The following KCNK12 variants were observed in gnomAD, a reference collection of about 807,000 sequenced individuals.
The protein encoded by KCNK12 is potassium two pore domain channel subfamily K member 12.
KCNK12 carries 6 observed loss-of-function variants against 25.3 expected under a neutral mutation model. The ratio of observed to expected loss-of-function variants is 0.24; its 90% CI spans 0.13 to 0.47. The LOEUF is 0.47. Ranked by LOEUF, KCNK12 falls within the 20% of genes least tolerant of loss-of-function variation. KCNK12 has a pLI of 0.99. For synonymous variants in KCNK12, 331 were observed against 311.1 expected (o/e 1.06, Z -0.67); for missense variants, 444 against 661.7 (o/e 0.67, Z 3.61).
chr2:47,570,343 C>G lies in KCNK12; in HGVS notation c.-12G>C, dbSNP rs1669866988. ...CTGCGGGAGGACATGGTCCGGAGCT[C>G]AGCCCCGGGGCCGGGGCGGCGCTCG... On this transcript the variant is annotated 5_prime_UTR_variant, in exon 1 of 2. An upstream open reading frame in the 5' UTR loses its in-frame stop. Transcript: ENST00000327876. 8.0e-7 allele frequency: 1 copy of G among 1,250,160 alleles called. No homozygotes were observed. The highest frequency in any genetic ancestry group is 1.6e-5 in the African/African-American group (1 of 63,464). 77.4% of individuals were successfully genotyped at this position (1,250,160 alleles called of 1,614,324 possible).
rs889752345 is a variant in KCNK12, at chr2:47,525,409, G to C, written c.392-3601C>G. 6.6e-6 allele frequency among the ~76,000 whole-genome samples: 1 copy of C among 152,198 alleles called. No individual in the cohort carries two copies. Among genetic ancestry groups the C allele is most frequent in the Admixed American group, 6.5e-5 (1 of 15,284 alleles). On this transcript the variant is annotated intron_variant, in intron 1 of 1. Transcript: ENST00000327876. The surrounding 1 kb of genome is among the most constrained non-coding windows in gnomAD (Gnocchi z 4.1). ...ACTTCCTAGCTGGCTGGGCACAGCC[G>C]CTCACAGGCCTACCCAGAGTGGAGC...
intron 1 of KCNK12, chr2:47,563,745 G>C (rs1204710382): frequency 4.3e-6 from 1 of 232,840 alleles, no homozygotes; most frequent in East Asian, 6.0e-5. Flanking sequence ...TGACAAAATG[G>C]TCTACATGCC....
At position 47,515,185 on chromosome 2, in the gene KCNK12, C is replaced by T. The variant is rs1046831120; in HGVS notation, c.*5722G>A. On this transcript the variant is annotated 3_prime_UTR_variant, in exon 2 of 2. Transcript: ENST00000327876. ...TGGGTGACGAGAAATCAGGCCTCTC[C>T]GCCACGGCAGCCTAGCTAATGGGTC... Among the ~76,000 whole-genome samples, 2 of 152,128 alleles carry T rather than the reference C, an allele frequency of 1.3e-5. No homozygotes were observed. The highest frequency in any genetic ancestry group is 1.9e-4 in the East Asian group (1 of 5,192).
chr2:47,533,211 A>G lies in KCNK12; in HGVS notation c.392-11403T>C, dbSNP rs372616948. 1.5e-5 allele frequency among the ~76,000 whole-genome samples: 2 copies of G among 129,354 alleles called. No homozygotes were observed. The highest frequency in any genetic ancestry group is 6.5e-5 in the African/African-American group (2 of 30,976). 84.9% of individuals were successfully genotyped at this position (129,354 alleles called of 152,430 possible). A position where few individuals can be genotyped will look rare whatever the true frequency, so the allele number is the denominator to read the frequency against. On this transcript the variant is annotated intron_variant, in intron 1 of 1. Transcript: ENST00000327876. This position sits in a 1 kb window ranked among gnomAD's most constrained non-coding sequence, Gnocchi z 4.7. ...TTTTTAGTAGAGACGGGGTTTTACCATGTTGGCCAGGCTGGTCTCCAACTC... is the reference window on the plus strand; with the variant it reads ...TTTTTAGTAGAGACGGGGTTTTACCGTGTTGGCCAGGCTGGTCTCCAACTC...
At chr2:47,535,917 G>A (rs762459316) in intron 1 of KCNK12, among the ~76,000 whole-genome samples, 1 of 152,168 alleles carries the variant, frequency 6.6e-6, no homozygotes, top group East Asian at 1.9e-4. Flanking sequence ...AGACGTTAAT[G>A]ACCTTGAAGG....
chr2:47,532,853 G>A (rs1225776921), intron 1 of KCNK12, among the ~76,000 whole-genome samples: 1 of 152,168 alleles, frequency 6.6e-6, no homozygotes, highest in Non-Finnish European at 1.5e-5. Flanking sequence ...GCAGGCTTGG[G>A]AAGGGCCTCC....
chr2:47,524,894 C>T (rs1194439472), intron 1 of KCNK12, among the ~76,000 whole-genome samples: 3 of 152,140 alleles, frequency 2.0e-5, no homozygotes, highest in Non-Finnish European at 4.4e-5. Flanking sequence ...CCTCTTTGTC[C>T]TGGCTTCAAG....
intron 1 of KCNK12, among the ~76,000 whole-genome samples, chr2:47,550,171 A>G (rs1216387906): frequency 2.6e-5 from 4 of 152,270 alleles, no homozygotes; most frequent in African/African-American, 9.6e-5. Context: ...AGGGTAGCAA[A>G]AATAATATTT....
chr2:47,548,086 T>C lies in KCNK12; in HGVS notation c.391+21855A>G, dbSNP rs908309052. ...CTGCTCCAGCCATGAAGGACGTGTC[T>C]GCTTCCTCTTTGCCTTCTGACATGA... On this transcript the variant is annotated intron_variant, in intron 1 of 1. Transcript: ENST00000327876. This position sits in a 1 kb window ranked among gnomAD's most constrained non-coding sequence, Gnocchi z 4.4. Among the ~76,000 whole-genome samples, 1 of 152,216 alleles carries C rather than the reference T, an allele frequency of 6.6e-6. No individual in the cohort carries two copies. Among genetic ancestry groups the C allele is most frequent in the Non-Finnish European group, 1.5e-5 (1 of 68,038 alleles).
rs1668602533 is a variant in KCNK12, at chr2:47,519,580, C to A, written c.*1327G>T. ...CTGGCCTTCCTCCAGGTCAGGGACC[C>A]CCTATGCTGCAGAAGGCAAGTCTGG... is the stretch of plus-strand genomic sequence containing the variant. On this transcript the variant is annotated 3_prime_UTR_variant, in exon 2 of 2. Coordinates refer to ENST00000327876, the MANE Select transcript of KCNK12 (RefSeq NM_022055.2). 2 of 152,200 alleles carry A rather than the reference C, an allele frequency of 1.3e-5. No individual in the cohort carries two copies. The highest frequency in any genetic ancestry group is 4.8e-5 in the African/African-American group (2 of 41,430). 9.4% of individuals were successfully genotyped at this position (152,200 alleles called of 1,614,324 possible).
rs1052917025 is a variant in KCNK12 at position 47,559,372 on chromosome 2, C to T, written c.391+10569G>A. On this transcript the variant is annotated intron_variant, in intron 1 of 1. Coordinates refer to ENST00000327876, the MANE Select transcript of KCNK12 (RefSeq NM_022055.2). ...GGGAGGCCCTGGGAGGTTCTGGAAA[C>T]GTGGTCTGGGCCCAGCTTGCTCAGT... Among the ~76,000 whole-genome samples, 5 of 152,182 alleles carry T rather than the reference C, an allele frequency of 3.3e-5. No individual in the cohort carries two copies. In the East Asian group the frequency reaches 5.8e-4, roughly 18 times the overall value.
chr2:47,512,600 G>A lies in KCNK12; in HGVS notation c.*8307C>T, dbSNP rs1007089187. The A allele has an allele frequency of 8.0e-6, 6 of 748,170 alleles. No homozygotes were observed. Among genetic ancestry groups the A allele is most frequent in the Non-Finnish European group, 1.3e-5 (6 of 475,686 alleles). 46.3% of individuals were successfully genotyped at this position (748,170 alleles called of 1,614,324 possible). ...AGATTCCAGGACTTACAGTGAGAAA[G>A]CGCCTTCTGGGAACTTCACAATGGC... On this transcript the variant is annotated 3_prime_UTR_variant, in exon 2 of 2. Transcript: ENST00000327876.
intron 1 of KCNK12, chr2:47,561,959 C>T (rs1470485380): frequency 2.5e-6 from 1 of 397,552 alleles, no homozygotes; most frequent in Non-Finnish European, 4.4e-6. Context: ...TGGGCATTCC[C>T]TTCTTTTAGT....
intron 1 of KCNK12, among the ~76,000 whole-genome samples, chr2:47,523,925 T>C (rs1668714382): frequency 6.6e-6 from 1 of 152,218 alleles, no homozygotes; most frequent in Non-Finnish European, 1.5e-5. Context: ...GCTTACTAGT[T>C]TCCTAAACAG....
rs1304500349 is a variant in KCNK12 at position 47,548,864 on chromosome 2, A to T, written c.391+21077T>A. ...AGAGCCCAGAACTCTTGCTGAATTG[A>T]GGGGAGAGAAATTCAGGTTCAGGGA... On this transcript the variant is annotated intron_variant, in intron 1 of 1. Transcript: ENST00000327876. The surrounding 1 kb of genome is among the most constrained non-coding windows in gnomAD (Gnocchi z 4.4). 1.3e-5 allele frequency among the ~76,000 whole-genome samples: 2 copies of T among 152,144 alleles called. No individual in the cohort carries two copies. Among genetic ancestry groups the T allele is most frequent in the East Asian group, 3.9e-4 (2 of 5,188 alleles).
At chr2:47,561,125 A>G (rs557707538) in intron 1 of KCNK12, among the ~76,000 whole-genome samples, 1 of 151,856 alleles carries the variant, frequency 6.6e-6, no homozygotes, top group Non-Finnish European at 1.5e-5. Context: ...CTTCCCTGCT[A>G]CTCTTCAACT....
chr2:47,549,888 C>A (rs375126086), intron 1 of KCNK12, among the ~76,000 whole-genome samples: 1 of 151,196 alleles, frequency 6.6e-6, no homozygotes, highest in African/African-American at 2.4e-5. Flanking sequence ...GAGCTGAGAT[C>A]GCACCACTGC....
chr2:47,568,350 C>G (rs1204585991), intron 1 of KCNK12, among the ~76,000 whole-genome samples: 1 of 151,132 alleles, frequency 6.6e-6, no homozygotes, highest in African/African-American at 2.4e-5. Context: ...TGATGCAGCT[C>G]TTAAAAGGGG....
chr2:47,535,798 A>G lies in KCNK12; in HGVS notation c.392-13990T>C, dbSNP rs141603659. Among the ~76,000 whole-genome samples, 69 of 152,272 alleles carry G rather than the reference A, an allele frequency of 4.5e-4. No individual in the cohort carries two copies. The South Asian group carries it at 0.013, about 29-fold the overall frequency. ...GATTTTTCCCTGAGATGAGCATTCA[A>G]TCATACTGCGCCAGGGTACTTGCTG... On this transcript the variant is annotated intron_variant, in intron 1 of 1. Transcript: ENST00000327876.
Sources: allele counts gnomAD v4.1 joint callset (sites outside exome capture counted in the v4.1 genomes callset), GRCh38; gene constraint gnomAD v4.1.1; non-coding constraint Gnocchi (gnomAD v3.1); transcripts MANE v1.5; gene names NCBI Gene and HGNC (gene_info 2026-07-23, HGNC 2026-07-21).